PRKG1: variants seen among roughly 807,000 people sequenced by gnomAD.
PRKG1 encodes protein kinase cGMP-dependent 1.
In PRKG1, 35 loss-of-function variants were observed where a neutral mutation model predicts 88.1. The observed-to-expected ratio is 0.40, with a 90% CI of 0.30 to 0.53. The LOEUF is 0.53. PRKG1 is among the 20% of genes least tolerant of loss of function. PRKG1 has a pLI of 0.59. For missense variants in PRKG1, 540 were observed against 839.8 expected (o/e 0.64, Z 4.41); for synonymous variants, 303 against 292.5 (o/e 1.04, Z -0.37).
chr10:52,004,236 G>A (rs919657660), intron 5 of PRKG1, among the ~76,000 whole-genome samples: 11 of 152,070 alleles, frequency 7.2e-5, no homozygotes, highest in African/African-American at 2.7e-4. Context: ...GTTTTTGTGT[G>A]TGTTTGTTTT....
At chr10:52,203,227 T>A (rs1020490593) in intron 9 of PRKG1, among the ~76,000 whole-genome samples, 1 of 152,312 alleles carries the variant, frequency 6.6e-6, no homozygotes, top group Admixed American at 6.5e-5. Flanking sequence ...TTGTTCTCAT[T>A]AGTTTCAAAT....
At position 51,437,688 on chromosome 10, in the gene PRKG1, GT is replaced by G. The variant is rs545441358; in HGVS notation, c.479-30027del. Among the ~76,000 whole-genome samples the G allele has an allele frequency of 1.4e-3, 215 of 151,430 alleles. 1 individual carries two copies. Among genetic ancestry groups the G allele is most frequent in the African/African-American group, 5.0e-3 (206 of 41,306 alleles). On this transcript the variant is annotated intron_variant, in intron 2 of 17. Coordinates refer to ENST00000373980, the MANE Select transcript of PRKG1 (RefSeq NM_006258.4). ...AATATGGTAAGTAAATGAATAAAGA[GT>G]TTTTTTTCCAAAGTAGTCAACCCAA...
At chr10:51,005,154 A>T (rs1842928303) in intron 1 of PRKG1, among the ~76,000 whole-genome samples, 1 of 152,206 alleles carries the variant, frequency 6.6e-6, no homozygotes, top group Admixed American at 6.5e-5. Context: ...TATTAAGGGT[A>T]TTCAATCGTG....
At chr10:51,774,090 GTC>G (rs2132550474) in intron 3 of PRKG1, among the ~76,000 whole-genome samples, 1 of 152,186 alleles carries the variant, frequency 6.6e-6, no homozygotes, top group South Asian at 2.1e-4. Flanking sequence ...GAGAGGTGGA[GTC>G]TCTGTTTGGC....
intron 5 of PRKG1, among the ~76,000 whole-genome samples, chr10:51,945,593 T>C (rs796656569): frequency 0.11 from 16,602 of 151,216 alleles, 1,177 homozygotes; most frequent in East Asian, 0.34. Context: ...GTGGCTGGTA[T>C]GGGTTGTTCC....
intron 3 of PRKG1, among the ~76,000 whole-genome samples, chr10:51,635,675 C>G (rs1050059024): frequency 1.1e-4 from 16 of 152,108 alleles, no homozygotes; most frequent in Non-Finnish European, 2.1e-4. Context: ...ATGTGAATTG[C>G]TTTAACACAT....
chr10:51,897,700 G>A (rs959126968), intron 4 of PRKG1, among the ~76,000 whole-genome samples: 7 of 151,962 alleles, frequency 4.6e-5, no homozygotes, highest in Non-Finnish European at 1.0e-4. Context: ...AGGAAATCAT[G>A]TTGCTTCTGC....
intron 8 of PRKG1, among the ~76,000 whole-genome samples, chr10:52,135,168 T>C (rs1229946896): frequency 6.6e-6 from 1 of 152,054 alleles, no homozygotes; most frequent in African/African-American, 2.4e-5. Context: ...AGTGAGTACT[T>C]TTGAGAAGAG....
chr10:51,647,630 C>CA (rs1020314180), intron 3 of PRKG1, among the ~76,000 whole-genome samples: 1 of 152,176 alleles, frequency 6.6e-6, no homozygotes, highest in African/African-American at 2.4e-5. Context: ...AACACAGTCT[C>CA]AAAATTTTGT....
At chr10:51,573,769 CTT>C (rs1371941800) in intron 3 of PRKG1, among the ~76,000 whole-genome samples, 1 of 151,784 alleles carries the variant, frequency 6.6e-6, no homozygotes, top group Non-Finnish European at 1.5e-5. Flanking sequence ...CGGTAAAAGT[CTT>C]TCTGTTTATG....
chr10:51,831,504 C>T (rs892255125), intron 4 of PRKG1, among the ~76,000 whole-genome samples: 2 of 152,086 alleles, frequency 1.3e-5, no homozygotes, highest in African/African-American at 4.8e-5. Context: ...CAGAACAAAA[C>T]AAAAGCAAGA....
intron 2 of PRKG1, among the ~76,000 whole-genome samples, chr10:51,322,890 A>G (rs1841492515): frequency 1.3e-5 from 2 of 152,220 alleles, no homozygotes; most frequent in Admixed American, 1.3e-4. Flanking sequence ...TATTACTGTT[A>G]TTTTAATGTT....
intron 3 of PRKG1, among the ~76,000 whole-genome samples, chr10:51,530,237 T>C (rs1018754722): frequency 2.6e-5 from 4 of 152,220 alleles, no homozygotes; most frequent in Non-Finnish European, 5.9e-5. Context: ...TCATTATTTA[T>C]CAGGTTTCCC....
chr10:52,166,962 C>G (rs1280173441), intron 9 of PRKG1, among the ~76,000 whole-genome samples: 1 of 146,994 alleles, frequency 6.8e-6, no homozygotes, highest in African/African-American at 2.5e-5. Context: ...ACAATCTAAA[C>G]CAAACACAAC....
chr10:52,100,290 A>C (rs1402524103), intron 7 of PRKG1, among the ~76,000 whole-genome samples: 1 of 152,220 alleles, frequency 6.6e-6, no homozygotes, highest in Non-Finnish European at 1.5e-5. Flanking sequence ...GGGAAGCGTT[A>C]AGACAAGTCC....
chr10:52,110,154 C>G (rs1188087356), intron 7 of PRKG1, among the ~76,000 whole-genome samples: 1 of 151,876 alleles, frequency 6.6e-6, no homozygotes, highest in Non-Finnish European at 1.5e-5. Context: ...TGAGACCATC[C>G]TGGCTAACAT....
intron 3 of PRKG1, among the ~76,000 whole-genome samples, chr10:51,613,489 T>C (rs1838965857): frequency 6.6e-6 from 1 of 151,818 alleles, no homozygotes; most frequent in African/African-American, 2.4e-5. Context: ...TGATTCTTTG[T>C]AATTTTTTTA....
intron 3 of PRKG1, among the ~76,000 whole-genome samples, chr10:51,577,823 A>G (rs531832719): frequency 1.3e-5 from 2 of 152,132 alleles, no homozygotes; most frequent in Admixed American, 1.3e-4. Flanking sequence ...ACTTTACATC[A>G]TTGGTTACTT....
At chr10:51,766,160 T>G (rs1474214948) in intron 3 of PRKG1, among the ~76,000 whole-genome samples, 1 of 151,902 alleles carries the variant, frequency 6.6e-6, no homozygotes, top group Non-Finnish European at 1.5e-5. Flanking sequence ...GTTTAATAAG[T>G]GAAAAAAGAA....
Sources: gnomAD v4.1 joint callset for allele counts (sites outside exome capture counted in the v4.1 genomes callset) on GRCh38, gnomAD v4.1.1 for gene constraint, MANE v1.5 for transcripts, NCBI Gene and HGNC (gene_info 2026-07-23, HGNC 2026-07-21) for gene names.